Variants in NBAS observed in about 807,000 individuals in gnomAD.
The protein encoded by NBAS is NAG/BC035112 fusion.
NBAS carries 219 observed loss-of-function variants against 302.5 expected under a neutral mutation model. That is an observed-to-expected ratio of 0.72 (90% CI 0.65 to 0.81). The LOEUF (loss-of-function observed/expected upper bound fraction) is 0.81. Ranked by LOEUF, NBAS falls within the 30% of genes least tolerant of loss-of-function variation. The probability of loss-of-function intolerance (pLI) is 0.00; values close to 1 mark genes in which losing one functional copy is unlikely to be tolerated. For synonymous variants in NBAS, 1,118 were observed against 1,021.6 expected, an observed-to-expected ratio of 1.09 and a Z score of -1.80; for missense variants, 2,932 against 2,841.6, an observed-to-expected ratio of 1.03 and a Z score of -0.72.
At chr2:15,124,749 T>C in the NBAS span, among the ~76,000 whole-genome samples, 20,803 of 152,200 alleles carry the variant, frequency 0.14, 2,695 homozygotes, top group African/African-American at 0.33. Context: ...AGGGTTCCAG[T>C]CATAAGTCTT....
chr2:14,987,844 G>A, the NBAS span, among the ~76,000 whole-genome samples: 3 of 152,024 alleles, frequency 2.0e-5, no homozygotes, highest in African/African-American at 7.3e-5. Context: ...ATATATTTCG[G>A]TATATATTCT....
At chr2:14,813,898 G>C in the NBAS span, among the ~76,000 whole-genome samples, 1 of 152,138 alleles carries the variant, frequency 6.6e-6, no homozygotes, top group African/African-American at 2.4e-5. Context: ...AAAAAATTTG[G>C]GGGGGCCAGG....
intron 41 of NBAS, among the ~76,000 whole-genome samples, chr2:15,288,862 G>C (rs1014959432): frequency 3.3e-5 from 5 of 152,188 alleles, no homozygotes; most frequent in Non-Finnish European, 5.9e-5. Flanking sequence ...ACGTTTTCTG[G>C]GAAAGGTAAT....
intron 51 of NBAS, among the ~76,000 whole-genome samples, chr2:15,168,980 A>G (rs1664163572): frequency 6.6e-6 from 1 of 152,232 alleles, no homozygotes; most frequent in Non-Finnish European, 1.5e-5. Flanking sequence ...GAAATTCTTG[A>G]AGGCACAGAA....
chr2:15,178,397 A>C (rs1472744538), intron 51 of NBAS, among the ~76,000 whole-genome samples: 4 of 152,190 alleles, frequency 2.6e-5, no homozygotes, highest in Admixed American at 2.6e-4. Flanking sequence ...AAAGTGGAAA[A>C]TTTTAAATGA....
At position 15,475,824 on chromosome 2, in the gene NBAS, T is replaced by C; in HGVS notation, c.1204A>G (p.Thr402Ala). Residue 402 changes from threonine (T) to alanine (A), a missense_variant, in exon 14 of 52, where the codon ACT becomes GCT. Coordinates refer to ENST00000281513, the MANE Select transcript of NBAS (RefSeq NM_015909.4). ...DVNWWADSAV[T>A]LARCSGALTV... ...AAAGCACCAGAGCATCGAGCTAAAG[T>C]CACTGCACTGTCTGCCCACCAATTG... 1 of 1,614,070 alleles carries C rather than the reference T, an allele frequency of 6.2e-7. No individual in the cohort carries two copies. The highest frequency in any genetic ancestry group is 1.1e-5 in the South Asian group (1 of 91,078).
chr2:14,919,774 A>G, the NBAS span, among the ~76,000 whole-genome samples: 7 of 152,290 alleles, frequency 4.6e-5, no homozygotes, highest in Admixed American at 1.3e-4. Context: ...CTCAAGTTTG[A>G]TCATGAGATT....
At chr2:15,082,421 T>G in the NBAS span, among the ~76,000 whole-genome samples, 131 of 152,308 alleles carry the variant, frequency 8.6e-4, 1 homozygote, top group African/African-American at 3.0e-3. Flanking sequence ...TCATTTCATG[T>G]TCTGAGTCAC....
At chr2:14,889,169 T>G in the NBAS span, among the ~76,000 whole-genome samples, 1 of 152,228 alleles carries the variant, frequency 6.6e-6, no homozygotes, top group East Asian at 1.9e-4. Context: ...TGGCTCCACT[T>G]GATAATGTGT....
chr2:14,941,617 C>T, the NBAS span, among the ~76,000 whole-genome samples: 1 of 152,192 alleles, frequency 6.6e-6, no homozygotes, highest in African/African-American at 2.4e-5. Flanking sequence ...AGGGTGACTG[C>T]TGTTCAGGCT....
At chr2:15,483,222 GAT>G (rs1422870843) in intron 12 of NBAS, 1 of 224,118 alleles carries the variant, frequency 4.5e-6, no homozygotes, top group African/African-American at 2.3e-5. Context: ...GAGAGTCTGT[GAT>G]GAAATACATA....
chr2:15,427,646 C>T, intron 22 of NBAS, 65 bp downstream of exon 22: 1 of 1,347,170 alleles, frequency 7.4e-7, no homozygotes. Flanking sequence ...ACACCACTTT[C>T]ACAGGGCCAT....
chr2:15,514,471 C>T (rs1019943719), intron 9 of NBAS, among the ~76,000 whole-genome samples: 2 of 152,084 alleles, frequency 1.3e-5, no homozygotes, highest in African/African-American at 4.8e-5. Flanking sequence ...TAGTAACCTA[C>T]TATTTAAAAC....
At chr2:15,305,243 G>C (rs1052141660) in intron 40 of NBAS, among the ~76,000 whole-genome samples, 4 of 152,006 alleles carry the variant, frequency 2.6e-5, no homozygotes, top group African/African-American at 9.7e-5. Flanking sequence ...CCCCCAAGCT[G>C]TTCTCATGAG....
chr2:15,479,842 C>T (rs1431125238), intron 12 of NBAS, among the ~76,000 whole-genome samples: 1 of 152,204 alleles, frequency 6.6e-6, no homozygotes, highest in Non-Finnish European at 1.5e-5. Flanking sequence ...AGAACTCTGT[C>T]ATACTCATCC....
chr2:14,873,203 A>C, the NBAS span, among the ~76,000 whole-genome samples: 1 of 152,196 alleles, frequency 6.6e-6, no homozygotes, highest in Non-Finnish European at 1.5e-5. Flanking sequence ...CCATTTTCAC[A>C]GAGTGCTGAT....
At chr2:15,038,629 T>C in the NBAS span, among the ~76,000 whole-genome samples, 1 of 152,248 alleles carries the variant, frequency 6.6e-6, no homozygotes, top group South Asian at 2.1e-4. Context: ...CTTACACTTC[T>C]GTGTCGTGAT....
chr2:15,105,837 C>T, the NBAS span, among the ~76,000 whole-genome samples: 1 of 152,140 alleles, frequency 6.6e-6, no homozygotes, highest in African/African-American at 2.4e-5. Context: ...CCTGGTCCTT[C>T]AAGATCTTTA....
At chr2:15,416,719 T>C (rs1368064834) in intron 24 of NBAS, among the ~76,000 whole-genome samples, 3 of 148,618 alleles carry the variant, frequency 2.0e-5, no homozygotes, top group Non-Finnish European at 1.5e-5. Context: ...GGCAGGAGAA[T>C]CGCTTGAACC....
Sources: gnomAD v4.1 joint callset for allele counts (sites outside exome capture counted in the v4.1 genomes callset) on GRCh38, gnomAD v4.1.1 for gene constraint, MANE v1.5 for transcripts, NCBI Gene and HGNC (gene_info 2026-07-23, HGNC 2026-07-21) for gene names.